The following KANK1 variants were observed in gnomAD, a reference collection of about 807,000 sequenced individuals.
KANK1 encodes the protein KN motif and ankyrin repeat domains 1.
In KANK1, 109 loss-of-function variants were observed where a neutral mutation model predicts 106.2. The ratio of observed to expected loss-of-function variants is 1.03; its 90% CI spans 0.88 to 1.20. The LOEUF is 1.20. KANK1 is among the 50% of genes most tolerant of loss of function. KANK1 has a pLI of 0.00. For synonymous variants in KANK1, 873 were observed against 652.2 expected (o/e 1.34, Z -5.16); for missense variants, 2,399 against 1,710.7 (o/e 1.40, Z -7.10).
chr9:712,750 G>C lies in KANK1; in HGVS notation c.1984G>C (p.Val662Leu), dbSNP rs777850142. ...TEAVSQVEAAVMAVPRTADQD... is the reference protein window; with the variant it reads ...TEAVSQVEAALMAVPRTADQD... ...GGCTGTTAGCCAGGTGGAAGCTGCC[G>C]TCATGGCAGTGCCTCGTACTGCAGA... The change falls in exon 3 of 12, where the codon GTC (valine) becomes CTC (leucine). Residue 662 changes from valine (V) to leucine (L), a missense_variant. Coordinates refer to ENST00000382297, the MANE Select transcript of KANK1 (RefSeq NM_015158.5). 8 of 1,613,762 alleles carry C rather than the reference G, an allele frequency of 5.0e-6. No individual in the cohort carries two copies. Among genetic ancestry groups the C allele is most frequent in the Non-Finnish European group, 6.8e-6 (8 of 1,179,900 alleles).
rs1473222319 is a variant in KANK1, at chr9:711,066, C to T, written c.300C>T (p.Asn100=). The T allele has an allele frequency of 1.2e-6, 2 of 1,614,152 alleles. No individual in the cohort carries two copies. Among genetic ancestry groups the T allele is most frequent in the Non-Finnish European group, 1.7e-6 (2 of 1,180,004 alleles). ...ESLSSSNSDD[N]KQCPNFLIAR... ...TCTCATCCTCCAACAGTGATGACAA[C>T]AAGCAGTGCCCCAACTTCCTCATAG... The change falls in exon 3 of 12, where the codon AAC becomes AAT. Residue 100 remains asparagine (N), a synonymous_variant. Transcript: ENST00000382297.
chr9:623,032 G>T (rs1376699511), intron 1 of KANK1, among the ~76,000 whole-genome samples: 1 of 152,094 alleles, frequency 6.6e-6, no homozygotes, highest in Non-Finnish European at 1.5e-5. Context: ...CAAAGCACAG[G>T]CAACAAAAGC....
At chr9:659,572 A>G (rs1377006518) in intron 1 of KANK1, among the ~76,000 whole-genome samples, 1 of 152,202 alleles carries the variant, frequency 6.6e-6, no homozygotes, top group African/African-American at 2.4e-5. Context: ...TATAAAGAAA[A>G]AAGGCTTAAT....
In KANK1 at chr9:508,579, C is replaced by T. The variant is rs114097044; in HGVS notation, c.-84+3825C>T. Reference sequence around the variant, plus strand: ...ACTCTTGTCCAATCACTGCCCCTCCCGAAGAGTAACCGTTGTGCCAACTGT... The same window carrying T: ...ACTCTTGTCCAATCACTGCCCCTCCTGAAGAGTAACCGTTGTGCCAACTGT... On this transcript the variant is annotated intron_variant, in intron 1 of 11. Coordinates refer to ENST00000382297, the MANE Select transcript of KANK1 (RefSeq NM_015158.5). 5.4e-3 allele frequency among the ~76,000 whole-genome samples: 798 copies of T among 146,444 alleles called. 47 individuals carry two copies. The highest frequency in any genetic ancestry group is 0.02 in the African/African-American group (714 of 36,010).
At chr9:735,719 T>A (rs1479966563) in intron 7 of KANK1, 2 of 440,676 alleles carry the variant, frequency 4.5e-6, no homozygotes, top group South Asian at 3.2e-5. Context: ...CAGGGCCAGG[T>A]GCAGTGGCTG....
At chr9:552,696 C>A (rs1054514140) in intron 1 of KANK1, among the ~76,000 whole-genome samples, 2 of 152,156 alleles carry the variant, frequency 1.3e-5, no homozygotes, top group African/African-American at 4.8e-5. Context: ...CTGTACTATG[C>A]CTTGGCCTTT....
upstream of KANK1, chr9:504,611 C>T (rs2058641620): frequency 6.6e-6 from 1 of 151,258 alleles, no homozygotes; most frequent in Non-Finnish European, 1.5e-5. Context: ...CTTCCCCGCC[C>T]CGGCGGCGGC....
chr9:677,005 C>G lies in KANK1; in HGVS notation c.33C>G (p.Ala11=), dbSNP rs1236463112. ...ACACCACAAAGGTTAACGGCAGTGC[C>G]TCAGGTAACCCTGTGCTCTGGAGTT... MAHTTKVNGS[A]SGKAGDILSG... Residue 11 remains alanine, a synonymous_variant, in exon 2 of 12, where the codon GCC becomes GCG. Transcript: ENST00000382297. 6.2e-7 allele frequency: 1 copy of G among 1,613,552 alleles called. No homozygotes were observed. The highest frequency in any genetic ancestry group is 2.2e-5 in the East Asian group (1 of 44,870).
intron 1 of KANK1, among the ~76,000 whole-genome samples, chr9:529,721 T>A (rs1412786996): frequency 2.6e-5 from 4 of 152,228 alleles, no homozygotes; most frequent in Non-Finnish European, 5.9e-5. Context: ...TCCTATTGAT[T>A]TGCTACATCC....
intron 3 of KANK1, among the ~76,000 whole-genome samples, chr9:499,141 G>C (rs927642658): frequency 2.0e-5 from 3 of 150,758 alleles, no homozygotes; most frequent in African/African-American, 7.3e-5. Flanking sequence ...TCACACCACT[G>C]CACTCCAACC....
chr9:608,065 C>T (rs543761877), intron 1 of KANK1, among the ~76,000 whole-genome samples: 5 of 134,204 alleles, frequency 3.7e-5, no homozygotes, highest in African/African-American at 1.5e-4. Context: ...GAGTCTCGCT[C>T]TGTCGCCCAG....
intron 2 of KANK1, among the ~76,000 whole-genome samples, chr9:684,804 G>C (rs1012372178): frequency 6.6e-6 from 1 of 152,018 alleles, no homozygotes; most frequent in East Asian, 1.9e-4. Context: ...CACCGCTTTG[G>C]CTCCTTTTCT....
At chr9:623,450 C>T (rs763644736) in intron 1 of KANK1, among the ~76,000 whole-genome samples, 4 of 151,718 alleles carry the variant, frequency 2.6e-5, no homozygotes, top group African/African-American at 4.8e-5. Context: ...ATTAGCTAGG[C>T]GTGGTGGCAT....
Position 740,825 on chromosome 9 carries a change from G to T in KANK1, c.3587G>T (p.Gly1196Val), listed in dbSNP as rs1339070196. The T allele has an allele frequency of 4.3e-6, 7 of 1,613,638 alleles. No individual in the cohort carries two copies. In the Middle Eastern group the frequency reaches 8.3e-4, roughly 190 times the overall value. ...VCNVDHQNKAGYTPIMLAALA... is the reference protein window; with the variant it reads ...VCNVDHQNKAVYTPIMLAALA... Reference sequence around the variant, plus strand: ...AATGTGGATCACCAGAACAAGGCAGGCTACACCCCCATCATGTTGGCGGCC... The same window carrying T: ...AATGTGGATCACCAGAACAAGGCAGTCTACACCCCCATCATGTTGGCGGCC... The change falls in exon 9 of 12, where the codon GGC (glycine) becomes GTC (valine). Residue 1196 changes from glycine to valine, a missense_variant. Coordinates refer to ENST00000382297, the MANE Select transcript of KANK1 (RefSeq NM_015158.5).
rs749518954 is a variant in KANK1 at position 711,525 on chromosome 9, C to G, written c.759C>G (p.Thr253=). 1 of 1,613,800 alleles carries G rather than the reference C, an allele frequency of 6.2e-7. No homozygotes were observed. Among genetic ancestry groups the G allele is most frequent in the Non-Finnish European group, 8.5e-7 (1 of 1,179,870 alleles). Residue 253 remains threonine, a synonymous_variant, in exon 3 of 12, where the codon ACC becomes ACG. Coordinates refer to ENST00000382297, the MANE Select transcript of KANK1 (RefSeq NM_015158.5). ...GCTCAGGGATCTCCACCCCAGTGAC[C>G]AACGTGAGCCCCATGCACCTGCAGC... is the stretch of plus-strand genomic sequence containing the variant. The part of the protein sequence containing the change: ...PLSSGISTPV[T]NVSPMHLQHI...
At chr9:659,054 T>C (rs1457498725) in intron 1 of KANK1, among the ~76,000 whole-genome samples, 1 of 152,198 alleles carries the variant, frequency 6.6e-6, no homozygotes, top group Non-Finnish European at 1.5e-5. Flanking sequence ...TTTATAACTT[T>C]TTTTGTTTGT....
chr9:494,575 TTC>T (rs1276176129), intron 3 of KANK1, among the ~76,000 whole-genome samples: 3 of 152,148 alleles, frequency 2.0e-5, no homozygotes, highest in Non-Finnish European at 2.9e-5. Flanking sequence ...CATTCTAACT[TTC>T]TCTCTCTCCC....
chr9:513,586 C>G (rs1208781217), intron 1 of KANK1, among the ~76,000 whole-genome samples: 1 of 152,140 alleles, frequency 6.6e-6, no homozygotes, highest in African/African-American at 2.4e-5. Context: ...CAGATATAAC[C>G]TCTTTTGATA....
At chr9:647,450 C>G (rs1839925448) in intron 1 of KANK1, among the ~76,000 whole-genome samples, 1 of 150,950 alleles carries the variant, frequency 6.6e-6, no homozygotes, top group Non-Finnish European at 1.5e-5. Context: ...TCTTTGGTCT[C>G]TTTCTCTGTC....
Sources: gnomAD v4.1 joint callset for allele counts (sites outside exome capture counted in the v4.1 genomes callset) on GRCh38, gnomAD v4.1.1 for gene constraint, MANE v1.5 for transcripts, NCBI Gene and HGNC (gene_info 2026-07-23, HGNC 2026-07-21) for gene names.